Variants in ADGRD1 observed in about 807,000 individuals in gnomAD.
ADGRD1 encodes adhesion G protein-coupled receptor D1, also known as G-protein coupled receptor 133.
In ADGRD1, 77 loss-of-function variants were observed where a neutral mutation model predicts 113.4. The ratio of observed to expected loss-of-function variants is 0.68; its 90% CI spans 0.57 to 0.82. The LOEUF (loss-of-function observed/expected upper bound fraction) is 0.82, where lower values mean the gene tolerates loss of function less well. ADGRD1 is among the 40% of genes least tolerant of loss of function. ADGRD1 has a pLI of 0.00. For missense variants in ADGRD1, 1,036 were observed against 1,139.1 expected (o/e 0.91, Z 1.30); for synonymous variants, 474 against 475.0 (o/e 1.00, Z 0.03).
chr12:131,108,900 G>A (rs1439732186), intron 18 of ADGRD1, 23 bp downstream of exon 18: 2 of 607,390 alleles, frequency 3.3e-6, no homozygotes, highest in Non-Finnish European at 3.0e-6. Context: ...GGGCAGGTGG[G>A]ATGGCGGGGC....
intron 13 of ADGRD1, among the ~76,000 whole-genome samples, chr12:131,048,979 G>T (rs1021956482): frequency 6.6e-6 from 1 of 152,194 alleles, no homozygotes; most frequent in African/African-American, 2.4e-5. Context: ...TTTAAGGGAT[G>T]GGAGAGAGAG....
intron 2 of ADGRD1, chr12:130,956,327 C>T (rs920851963): frequency 3.3e-5 from 5 of 152,220 alleles, no homozygotes; most frequent in African/African-American, 4.8e-5. Flanking sequence ...TTCACCAACT[C>T]GGGGGTGGGG....
chr12:131,018,616 G>A (rs971908902), intron 13 of ADGRD1, among the ~76,000 whole-genome samples: 4 of 152,224 alleles, frequency 2.6e-5, no homozygotes, highest in Non-Finnish European at 1.5e-5. Flanking sequence ...GCTTGAGTCA[G>A]TTATGACCGG....
In ADGRD1 at chr12:131,003,209, A is replaced by T. The variant is rs1243033462; in HGVS notation, c.1051A>T (p.Ile351Phe). Reference sequence around the variant, plus strand: ...GGACAGCGCCGTGGTACTGAGTCTCATCGACACTATTGACACCGTCATGGG... The same window carrying T: ...GGACAGCGCCGTGGTACTGAGTCTCTTCGACACTATTGACACCGTCATGGG... ...SEDSAVVLSL[I>F]DTIDTVMGHV... Residue 351 changes from isoleucine to phenylalanine, a missense_variant, in exon 10 of 25, where the codon ATC becomes TTC. Transcript: ENST00000261654. This position sits in a 1 kb window ranked among gnomAD's most constrained non-coding sequence, Gnocchi z 4.8. 6.2e-7 allele frequency: 1 copy of T among 1,613,870 alleles called. No homozygotes were observed. Among genetic ancestry groups the T allele is most frequent in the African/African-American group, 1.3e-5 (1 of 75,016 alleles).
At chr12:131,045,739 T>C (rs545924549) in intron 13 of ADGRD1, among the ~76,000 whole-genome samples, 1 of 152,154 alleles carries the variant, frequency 6.6e-6, no homozygotes, top group South Asian at 2.1e-4. Context: ...GATCATGCTT[T>C]CTCCTTGGGG....
chr12:131,095,991 T>C (rs1367962123), intron 15 of ADGRD1, among the ~76,000 whole-genome samples: 1 of 135,410 alleles, frequency 7.4e-6, no homozygotes, highest in Non-Finnish European at 1.6e-5. Flanking sequence ...CGGCCACCGT[T>C]CCCGCCTCCC....
In ADGRD1 at chr12:130,984,511, G is replaced by T. The variant is rs934613018; in HGVS notation, c.490+2448G>T. ...ACAGTTTTAGATTCACAGAAAAATT[G>T]AGTGCAAAGTTCAGAGAATTCCCAT... On this transcript the variant is annotated intron_variant, in intron 5 of 24. Coordinates refer to ENST00000261654, the MANE Select transcript of ADGRD1 (RefSeq NM_198827.5). This position sits in a 1 kb window ranked among gnomAD's most constrained non-coding sequence, Gnocchi z 4.1. 1.3e-5 allele frequency among the ~76,000 whole-genome samples: 2 copies of T among 152,150 alleles called. No individual in the cohort carries two copies. Among genetic ancestry groups the T allele is most frequent in the Admixed American group, 1.3e-4 (2 of 15,288 alleles).
At chr12:131,110,805 C>T (rs1026434988) in intron 18 of ADGRD1, among the ~76,000 whole-genome samples, 3 of 152,210 alleles carry the variant, frequency 2.0e-5, no homozygotes, top group Non-Finnish European at 4.4e-5. Context: ...TCTTGTAAGG[C>T]ATGTCTGCTA....
Position 130,991,084 on chromosome 12 carries a change from C to T in ADGRD1, c.810+6C>T, listed in dbSNP as rs1874320471. 1 of 1,612,196 alleles carries T rather than the reference C, an allele frequency of 6.2e-7. No individual in the cohort carries two copies. Among genetic ancestry groups the T allele is most frequent in the Non-Finnish European group, 8.5e-7 (1 of 1,178,432 alleles). ...CATCCACAGCAAGCCCCGTGGTGAG[C>T]AGACACATCTTCCTTGGTCCCCCTT... On this transcript the variant is annotated splice_donor_region_variant and intron_variant, in intron 7 of 24. Coordinates refer to ENST00000261654, the MANE Select transcript of ADGRD1 (RefSeq NM_198827.5).
At chr12:131,061,421 G>A (rs1455504126) in intron 13 of ADGRD1, among the ~76,000 whole-genome samples, 1 of 152,170 alleles carries the variant, frequency 6.6e-6, no homozygotes, top group Non-Finnish European at 1.5e-5. Flanking sequence ...TCAAGCCTCT[G>A]GCTTAATAGT....
rs373354832 is a variant in ADGRD1 at position 131,089,380 on chromosome 12, A to C, written c.1671+4717A>C. On this transcript the variant is annotated intron_variant, in intron 15 of 24. Transcript: ENST00000261654. ...TCTTCCTTCATGCACAGCTCTGCAG[A>C]GTGGGCACCGGCCCCACTGGCTGCC... Among the ~76,000 whole-genome samples the C allele has an allele frequency of 1.6e-3, 240 of 152,322 alleles. 4 individuals are homozygous for C. Among genetic ancestry groups the C allele is most frequent in the African/African-American group, 5.7e-3 (236 of 41,568 alleles).
intron 4 of ADGRD1, among the ~76,000 whole-genome samples, chr12:130,975,039 T>G (rs921362064): frequency 6.6e-6 from 1 of 152,174 alleles, no homozygotes; most frequent in South Asian, 2.1e-4. Flanking sequence ...ATGTTAAGCT[T>G]AGAAAACACA....
rs760150854 is a variant in ADGRD1 at position 131,036,179 on chromosome 12, A to AG, written c.1473+21844dup. On this transcript the variant is annotated intron_variant, in intron 13 of 24. Transcript: ENST00000261654. ...CACTGGAGGGGGTTGTACTCACTGG[A>AG]GGGGGTCTCATTCACGGGAGGCGGG... 9.9e-5 allele frequency among the ~76,000 whole-genome samples: 15 copies of AG among 152,080 alleles called. No homozygotes were observed. The East Asian group carries it at 1.7e-3, about 18-fold the overall frequency.
In ADGRD1 at chr12:130,954,135, C is replaced by T. The variant is rs373409072; in HGVS notation, c.-331C>T. On this transcript the variant is annotated 5_prime_UTR_variant, in exon 1 of 25. Coordinates refer to ENST00000261654, the MANE Select transcript of ADGRD1 (RefSeq NM_198827.5). This position sits in a 1 kb window ranked among gnomAD's most constrained non-coding sequence, Gnocchi z 4.7. ...CGCAGGACAAACAGCCTCCCGTCCC[C>T]GGGCGCAGGTCGCGGTCACAGTGGT... The T allele has an allele frequency of 9.8e-6, 3 of 305,842 alleles. No individual in the cohort carries two copies. The highest frequency in any genetic ancestry group is 4.3e-5 in the African/African-American group (2 of 46,626). The allele number at this position is 305,842 out of a possible 1,614,324, so 18.9% of individuals were successfully genotyped here.
intron 13 of ADGRD1, among the ~76,000 whole-genome samples, chr12:131,044,262 C>T (rs1882442337): frequency 6.6e-6 from 1 of 152,182 alleles, no homozygotes; most frequent in Non-Finnish European, 1.5e-5. Context: ...AGCGGCCGTC[C>T]TCACATGGGT....
intron 23 of ADGRD1, 43 bp from the exon 24 acceptor site, chr12:131,138,094 C>G (rs1451729896): frequency 2.0e-6 from 3 of 1,517,832 alleles, no homozygotes; most frequent in Non-Finnish European, 2.7e-6. Context: ...ACGGCTGTTG[C>G]AGCCTCTGAA....
intron 13 of ADGRD1, among the ~76,000 whole-genome samples, chr12:131,017,041 G>C (rs1310116460): frequency 6.6e-6 from 1 of 152,128 alleles, no homozygotes; most frequent in Non-Finnish European, 1.5e-5. Context: ...TGAAGAGCAG[G>C]AGTCAGGGAT....
At chr12:131,074,779 G>A (rs1885451222) in intron 13 of ADGRD1, among the ~76,000 whole-genome samples, 3 of 152,166 alleles carry the variant, frequency 2.0e-5, no homozygotes, top group Admixed American at 6.5e-5. Flanking sequence ...AACCTCTGAC[G>A]ATGGAGGGGA....
At chr12:130,961,925 C>T (rs1018377041) in intron 2 of ADGRD1, among the ~76,000 whole-genome samples, 1 of 152,232 alleles carries the variant, frequency 6.6e-6, no homozygotes, top group Non-Finnish European at 1.5e-5. Flanking sequence ...CGTTCGGCAT[C>T]AGGAGGCACT....
Sources: gnomAD v4.1 joint callset for allele counts (sites outside exome capture counted in the v4.1 genomes callset) on GRCh38, gnomAD v4.1.1 for gene constraint, Gnocchi (gnomAD v3.1) non-coding constraint, MANE v1.5 for transcripts, NCBI Gene and HGNC (gene_info 2026-07-23, HGNC 2026-07-21) for gene names.